The following JPH3 variants were observed in gnomAD, a reference collection of about 807,000 sequenced individuals.
The protein encoded by JPH3 is junctophilin-3.
JPH3 carries 11 observed loss-of-function variants against 59.6 expected under a neutral mutation model. The observed-to-expected ratio is 0.18, with a 90% CI of 0.12 to 0.31. The LOEUF (loss-of-function observed/expected upper bound fraction) is 0.31. JPH3 is among the 10% of genes least tolerant of loss of function. The pLI is 1.00. For synonymous variants in JPH3, 673 were observed against 483.6 expected, an observed-to-expected ratio of 1.39 and a Z score of -5.14; for missense variants, 1,202 against 1,105.7, an observed-to-expected ratio of 1.09 and a Z score of -1.24.
Position 87,689,871 on chromosome 16 carries a change from A to G in JPH3, c.1511A>G (p.Gln504Arg), listed in dbSNP as rs1433548087. ...ARNKVAHFSR[Q>R]VSVDEERGGD... ...AACAAGGTCGCCCACTTCTCGAGGCAGGTGTCGGTGGACGAGGAGCGGGGC... is the reference window on the plus strand; with the variant it reads ...AACAAGGTCGCCCACTTCTCGAGGCGGGTGTCGGTGGACGAGGAGCGGGGC... The change falls in exon 4 of 5, where the codon CAG (glutamine) becomes CGG (arginine). Residue 504 changes from glutamine to arginine, a missense_variant. Transcript: ENST00000284262. 1 of 1,493,798 alleles carries G rather than the reference A, an allele frequency of 6.7e-7. No individual in the cohort carries two copies. The highest frequency in any genetic ancestry group is 2.5e-5 in the East Asian group (1 of 40,534). The allele number at this position is 1,493,798 out of a possible 1,614,324, so 92.5% of individuals were successfully genotyped here. A position where few individuals can be genotyped will look rare whatever the true frequency, so the allele number is the denominator to read the frequency against.
At chr16:87,619,315 GAA>G (rs547047794) in intron 1 of JPH3, among the ~76,000 whole-genome samples, 2 of 140,600 alleles carry the variant, frequency 1.4e-5, no homozygotes, top group Admixed American at 7.1e-5. Flanking sequence ...CCTGTCTTAA[GAA>G]AAAAAAAAAA....
At position 87,613,757 on chromosome 16, in the gene JPH3, C is replaced by T. The variant is rs8053399; in HGVS notation, c.382+10229C>T. ...AGGGAATTCCTTTGAAAGAAAAACA[C>T]TTTTTCTTTCTAAAACATCTATTTT... is the stretch of plus-strand genomic sequence containing the variant. On this transcript the variant is annotated intron_variant, in intron 1 of 4. Transcript: ENST00000284262. Among the ~76,000 whole-genome samples, 1,128 of 152,278 alleles carry T rather than the reference C, an allele frequency of 7.4e-3. 14 individuals carry two copies. The highest frequency in any genetic ancestry group is 0.026 in the African/African-American group (1,069 of 41,544).
intron 1 of JPH3, among the ~76,000 whole-genome samples, chr16:87,634,197 A>T (rs556686886): frequency 1.3e-5 from 2 of 152,252 alleles, no homozygotes; most frequent in East Asian, 3.9e-4. Flanking sequence ...TCTCACTGTC[A>T]CGTTGGACCT....
At position 87,696,726 on chromosome 16, in the gene JPH3, A is replaced by C; in HGVS notation, c.*66A>C. On this transcript the variant is annotated 3_prime_UTR_variant, in exon 5 of 5. Coordinates refer to ENST00000284262, the MANE Select transcript of JPH3 (RefSeq NM_020655.4). Reference sequence around the variant, plus strand: ...AAGGGACATTAAAATTAAAAGCAAAACCACAAGAAGGGAAAGACCGCAACT... The same window carrying C: ...AAGGGACATTAAAATTAAAAGCAAACCCACAAGAAGGGAAAGACCGCAACT... 7.3e-7 allele frequency: 1 copy of C among 1,365,514 alleles called. No homozygotes were observed. Among genetic ancestry groups the C allele is most frequent in the Non-Finnish European group, 1.0e-6 (1 of 962,008 alleles). 84.6% of individuals were successfully genotyped at this position (1,365,514 alleles called of 1,614,324 possible).
At chr16:87,627,967 T>C (rs965728020) in intron 1 of JPH3, among the ~76,000 whole-genome samples, 1 of 152,170 alleles carries the variant, frequency 6.6e-6, no homozygotes, top group Non-Finnish European at 1.5e-5. Context: ...TGGGTGAGCG[T>C]TCCCAACATC....
At chr16:87,642,104 G>A (rs546700433) in intron 1 of JPH3, among the ~76,000 whole-genome samples, 4 of 152,280 alleles carry the variant, frequency 2.6e-5, no homozygotes, top group African/African-American at 9.6e-5. Context: ...CCTTTGGGGG[G>A]TGGCGGGTGA....
chr16:87,683,294 G>A (rs1236162761), intron 2 of JPH3, among the ~76,000 whole-genome samples: 2 of 152,050 alleles, frequency 1.3e-5, no homozygotes, highest in Non-Finnish European at 1.5e-5. Context: ...TTGATAATAA[G>A]AACAGAAACA....
chr16:87,656,967 T>C (rs78859157), intron 2 of JPH3, among the ~76,000 whole-genome samples: 4 of 152,134 alleles, frequency 2.6e-5, no homozygotes, highest in Non-Finnish European at 5.9e-5. Context: ...CCTCTTCTTA[T>C]AAGGTCACCA....
rs1329518641 is a variant in JPH3, at chr16:87,634,481, G to A, written c.383-9777G>A. On this transcript the variant is annotated intron_variant, in intron 1 of 4. Transcript: ENST00000284262. ...GAGGCCTGGCCGCCTTCCCAGTGGT[G>A]CCTGTTTCTTCCTTTCTCTGCGGGT... 1.2e-4 allele frequency among the ~76,000 whole-genome samples: 19 copies of A among 152,234 alleles called. 1 individual carries two copies. Among genetic ancestry groups the A allele is most frequent in the East Asian group, 1.9e-4 (1 of 5,192 alleles).
chr16:87,655,356 TGTTATTTTTTGTGAC>T (rs1312924787), intron 2 of JPH3, among the ~76,000 whole-genome samples: 1 of 50,172 alleles, frequency 2.0e-5, no homozygotes, highest in Non-Finnish European at 3.7e-5. Context: ...TGTGACAGGG[TGTTATTTTTTGTGAC>T]AGGGTGTTGT....
chr16:87,667,794 CTCTG>C (rs1370983265), intron 2 of JPH3, among the ~76,000 whole-genome samples: 3 of 152,210 alleles, frequency 2.0e-5, no homozygotes, highest in Non-Finnish European at 4.4e-5. Context: ...ACATACTCTT[CTCTG>C]TCTGTTTTTG....
chr16:87,605,019 C>T, intron 1 of JPH3: 1 of 440,176 alleles, frequency 2.3e-6, no homozygotes, highest in Non-Finnish European at 4.6e-6. Flanking sequence ...ACAGGGAGGC[C>T]CGGGCAGCAG....
At chr16:87,677,192 A>ACACACT (rs2033166888) in intron 2 of JPH3, among the ~76,000 whole-genome samples, 1 of 104,704 alleles carries the variant, frequency 9.6e-6, no homozygotes, top group Non-Finnish European at 1.9e-5. Context: ...ATATACACAC[A>ACACACT]CACACACACA....
In JPH3 at chr16:87,644,166, A is replaced by G. The variant is rs546755864; in HGVS notation, c.383-92A>G. The G allele has an allele frequency of 4.5e-6, 6 of 1,328,850 alleles. No individual in the cohort carries two copies. In the East Asian group the frequency reaches 1.4e-4, roughly 31 times the overall value. 82.3% of individuals were successfully genotyped at this position (1,328,850 alleles called of 1,614,324 possible). A position where few individuals can be genotyped will look rare whatever the true frequency, so the allele number is the denominator to read the frequency against. On this transcript the variant is annotated intron_variant, in intron 1 of 4. Coordinates refer to ENST00000284262, the MANE Select transcript of JPH3 (RefSeq NM_020655.4). ...AAACACAAAACAACAGGAAGCTCAG[A>G]CAGGACTGTGGCTGCTTCAACCCTG...
intron 1 of JPH3, among the ~76,000 whole-genome samples, chr16:87,642,992 C>T (rs959153497): frequency 2.5e-4 from 38 of 152,170 alleles, no homozygotes; most frequent in African/African-American, 8.9e-4. Flanking sequence ...TCACTGTTTA[C>T]CTCCAAGGCT....
At chr16:87,619,411 C>T (rs557859967) in intron 1 of JPH3, among the ~76,000 whole-genome samples, 2 of 152,286 alleles carry the variant, frequency 1.3e-5, no homozygotes, top group South Asian at 2.1e-4. Context: ...GGCTCCCCTG[C>T]ACCCCAGCCC....
In JPH3 at chr16:87,636,227, G is replaced by A. The variant is rs755359587; in HGVS notation, c.383-8031G>A. Among the ~76,000 whole-genome samples, 11 of 152,308 alleles carry A rather than the reference G, an allele frequency of 7.2e-5. 1 individual carries two copies. In the East Asian group the frequency reaches 1.3e-3, roughly 19 times the overall value. ...TGACCTTGGGAGAGGCCTCCACCAC[G>A]TGCCCTGGGGTGGGGTGGGGGCGGG... On this transcript the variant is annotated intron_variant, in intron 1 of 4. Coordinates refer to ENST00000284262, the MANE Select transcript of JPH3 (RefSeq NM_020655.4).
At chr16:87,669,891 G>A (rs556676792) in intron 2 of JPH3, among the ~76,000 whole-genome samples, 10 of 152,224 alleles carry the variant, frequency 6.6e-5, no homozygotes, top group South Asian at 2.1e-4. Context: ...GCAGCCGGCC[G>A]GCCTCTCTCG....
intron 1 of JPH3, among the ~76,000 whole-genome samples, chr16:87,622,855 C>G (rs942360863): frequency 6.6e-6 from 1 of 152,134 alleles, no homozygotes; most frequent in African/African-American, 2.4e-5. Flanking sequence ...GTGCCCTGCC[C>G]CAACTCAGCC....
Sources: gnomAD v4.1 joint callset for allele counts (sites outside exome capture counted in the v4.1 genomes callset) on GRCh38, gnomAD v4.1.1 for gene constraint, MANE v1.5 for transcripts, NCBI Gene and HGNC (gene_info 2026-07-23, HGNC 2026-07-21) for gene names.